Variants in METTL9 observed in about 807,000 individuals in gnomAD.
METTL9 encodes methyltransferase 9, His-X-His N1(pi)-histidine.
In METTL9, 10 loss-of-function variants were observed where a neutral mutation model predicts 36.0. The ratio of observed to expected loss-of-function variants is 0.28; its 90% CI spans 0.17 to 0.47. The LOEUF is 0.47. Ranked by LOEUF, METTL9 falls within the 20% of genes least tolerant of loss-of-function variation. The pLI is 0.99. For synonymous variants in METTL9, 175 were observed against 149.7 expected (o/e 1.17, Z -1.23); for missense variants, 246 against 383.5 (o/e 0.64, Z 3.00).
chr16:21,607,429 T>C (rs1282008807), intron 1 of METTL9, among the ~76,000 whole-genome samples: 1 of 152,222 alleles, frequency 6.6e-6, no homozygotes, highest in Admixed American at 6.5e-5. Context: ...TGGCGAATAC[T>C]GTCAGACATG....
At chr16:21,637,064 G>A (rs1362024272) in intron 4 of METTL9, among the ~76,000 whole-genome samples, 1 of 152,122 alleles carries the variant, frequency 6.6e-6, no homozygotes, top group African/African-American at 2.4e-5. Context: ...GTGAGCAGCA[G>A]CAAGATTTAT....
chr16:21,631,578 G>C (rs986163369), intron 4 of METTL9, among the ~76,000 whole-genome samples: 1 of 152,138 alleles, frequency 6.6e-6, no homozygotes, highest in East Asian at 1.9e-4. Context: ...TCATTGTGTC[G>C]TTTTTCCTTA....
intron 4 of METTL9, among the ~76,000 whole-genome samples, chr16:21,638,975 TTTG>T (rs969619682): frequency 6.6e-6 from 1 of 152,170 alleles, no homozygotes; most frequent in Non-Finnish European, 1.5e-5. Flanking sequence ...TGGGTTTGGT[TTTG>T]TTGTTAATTT....
intron 4 of METTL9, among the ~76,000 whole-genome samples, chr16:21,636,082 T>G (rs531699123): frequency 4.3e-4 from 66 of 152,316 alleles, no homozygotes; most frequent in Non-Finnish European, 7.9e-4. Context: ...GGACCTTACC[T>G]GTGTCCTATA....
chr16:21,601,892 A>G (rs1415020992), intron 1 of METTL9, among the ~76,000 whole-genome samples: 1 of 152,160 alleles, frequency 6.6e-6, no homozygotes. Context: ...TTTGACATGA[A>G]TACATTCATA....
intron 1 of METTL9, among the ~76,000 whole-genome samples, chr16:21,609,045 C>T (rs1000505601): frequency 6.6e-6 from 1 of 152,214 alleles, no homozygotes; most frequent in African/African-American, 2.4e-5. Context: ...AAATGTAAAG[C>T]ACATGGCTTG....
chr16:21,621,792 A>AT (rs2152895359), intron 3 of METTL9, among the ~76,000 whole-genome samples: 1 of 152,200 alleles, frequency 6.6e-6, no homozygotes, highest in Non-Finnish European at 1.5e-5. Flanking sequence ...TTAGTGTTTC[A>AT]TTTTTTATTT....
At chr16:21,628,745 C>T (rs1273076518) in intron 4 of METTL9, among the ~76,000 whole-genome samples, 1 of 152,096 alleles carries the variant, frequency 6.6e-6, no homozygotes, top group African/African-American at 2.4e-5. Context: ...ATTGGCCTGC[C>T]TTCGCCTCCC....
At chr16:21,624,840 C>A in intron 3 of METTL9, 91 bp from the exon 4 acceptor site, 1 of 1,141,532 alleles carries the variant, frequency 8.8e-7, no homozygotes, top group Admixed American at 2.1e-5. Flanking sequence ...ATTTAGAAGA[C>A]AAAGTTAAAG....
At chr16:21,599,493 C>T (rs995697052), upstream of METTL9, 8 of 1,208,896 alleles carry the variant, frequency 6.6e-6, no homozygotes, top group Non-Finnish European at 8.2e-6. This position sits in a 1 kb window ranked among gnomAD's most constrained non-coding sequence, Gnocchi z 4.4. Flanking sequence ...CGTAAGTGCT[C>T]CGGATGGAAA....
At chr16:21,607,875 G>A (rs142805639) in intron 1 of METTL9, among the ~76,000 whole-genome samples, 17 of 152,148 alleles carry the variant, frequency 1.1e-4, no homozygotes, top group Non-Finnish European at 2.1e-4. Context: ...GCGGCTGGGC[G>A]CAGCGGCTCA....
upstream of METTL9, chr16:21,599,543 AG>A: frequency 1.0e-5 from 13 of 1,277,310 alleles, no homozygotes; most frequent in Non-Finnish European, 1.1e-5. This position sits in a 1 kb window ranked among gnomAD's most constrained non-coding sequence, Gnocchi z 4.4. Context: ...CCGGAAGGGA[AG>A]GGGGAGGTGC....
chr16:21,599,494 C>CGGATG, upstream of METTL9: 23 of 1,209,968 alleles, frequency 1.9e-5, no homozygotes, highest in Non-Finnish European at 2.4e-5. This position sits in a 1 kb window ranked among gnomAD's most constrained non-coding sequence, Gnocchi z 4.4. Context: ...GTAAGTGCTC[C>CGGATG]GGATGGAAAC....
chr16:21,613,307 C>T (rs994363094), intron 2 of METTL9, among the ~76,000 whole-genome samples: 2 of 150,934 alleles, frequency 1.3e-5, no homozygotes, highest in Non-Finnish European at 2.9e-5. Flanking sequence ...CCTCAGCCTC[C>T]CAAGTAGCTG....
chr16:21,643,226 C>T, intron 4 of METTL9: 1 of 1,177,492 alleles, frequency 8.5e-7, no homozygotes, highest in South Asian at 1.2e-5. Context: ...ATCATCAGAA[C>T]TTTTCTTGCT....
intron 2 of METTL9, among the ~76,000 whole-genome samples, chr16:21,616,265 A>C (rs562720358): frequency 5.9e-5 from 9 of 152,206 alleles, no homozygotes; most frequent in Non-Finnish European, 1.0e-4. Flanking sequence ...GAAGTGCCTC[A>C]GGAACTGCTT....
chr16:21,597,937 A>G (rs1334318514), upstream of METTL9: 1 of 152,354 alleles, frequency 6.6e-6, no homozygotes, highest in African/African-American at 2.4e-5. Context: ...AAGAGAGAAC[A>G]CAAAATACCG....
At chr16:21,628,210 C>T (rs1597761677) in intron 4 of METTL9, among the ~76,000 whole-genome samples, 1 of 152,118 alleles carries the variant, frequency 6.6e-6, no homozygotes, top group Admixed American at 6.6e-5. Context: ...CTGGAGCTGG[C>T]GTGGACTGGT....
At chr16:21,601,731 G>C (rs987557722) in intron 1 of METTL9, among the ~76,000 whole-genome samples, 3 of 105,556 alleles carry the variant, frequency 2.8e-5, no homozygotes, top group Admixed American at 1.2e-4. Context: ...TTTATATTCT[G>C]TGTGTGTGTG....
Sources: gnomAD v4.1 joint callset for allele counts (sites outside exome capture counted in the v4.1 genomes callset) on GRCh38, gnomAD v4.1.1 for gene constraint, Gnocchi (gnomAD v3.1) non-coding constraint, MANE v1.5 for transcripts, NCBI Gene and HGNC (gene_info 2026-07-23, HGNC 2026-07-21) for gene names.